The following AP3D1 variants were observed in gnomAD, a reference collection of about 807,000 sequenced individuals.
AP3D1 encodes the protein AP-3 complex subunit delta-1.
In AP3D1, 51 loss-of-function variants were observed where a neutral mutation model predicts 147.6. The observed-to-expected ratio is 0.35, with a 90% confidence interval of 0.28 to 0.44. The LOEUF is 0.44. Ranked by LOEUF, AP3D1 falls within the 20% of genes least tolerant of loss-of-function variation. The probability of loss-of-function intolerance (pLI) is 1.00; values close to 1 mark genes in which losing one functional copy is unlikely to be tolerated. For missense variants in AP3D1, 1,421 were observed against 1,624.2 expected, an observed-to-expected ratio of 0.87 and a Z score of 2.15; for synonymous variants, 760 against 663.0, an observed-to-expected ratio of 1.15 and a Z score of -2.25.
At chr19:2,156,116 A>G (rs1015973708), upstream of AP3D1, among the ~76,000 whole-genome samples, 1 of 152,228 alleles carries the variant, frequency 6.6e-6, no homozygotes, top group African/African-American at 2.4e-5. Context: ...TGATTCTTCC[A>G]TCACTGGGAG....
chr19:2,144,991 T>G (rs2144550916), intron 1 of AP3D1, among the ~76,000 whole-genome samples: 1 of 151,870 alleles, frequency 6.6e-6, no homozygotes, highest in East Asian at 1.9e-4. Context: ...GGGCATAGGT[T>G]TCTCTGTTCT....
rs1229546374 is a variant in AP3D1, at chr19:2,124,220, T to C, written c.857-341A>G. Among the ~76,000 whole-genome samples the C allele has an allele frequency of 3.3e-5, 5 of 152,236 alleles. No homozygotes were observed. The South Asian group carries it at 8.3e-4, about 25-fold the overall frequency. On this transcript the variant is annotated intron_variant, in intron 9 of 31. Transcript: ENST00000643116. ...GCCCCGAGGCCACAGGACCAGACCC[T>C]GTAGGAACCCAGGCGCTGGGTCTCT...
At chr19:2,163,616 C>A (rs1173436622) in intron 1 of AP3D1, among the ~76,000 whole-genome samples, 1 of 152,016 alleles carries the variant, frequency 6.6e-6, no homozygotes, top group Non-Finnish European at 1.5e-5. Context: ...TTTACTAAGC[C>A]GTGTGTGGGG....
intron 31 of AP3D1, among the ~76,000 whole-genome samples, chr19:2,104,105 C>A (rs2018035770): frequency 6.6e-6 from 1 of 151,258 alleles, no homozygotes; most frequent in South Asian, 2.1e-4. Context: ...AACGCCGAGG[C>A]ACCAACTCCA....
At chr19:2,112,072 G>A (rs1369576103) in intron 24 of AP3D1, 8 of 578,800 alleles carry the variant, frequency 1.4e-5, no homozygotes, top group Non-Finnish European at 2.1e-5. Context: ...AGTCCCCACC[G>A]ACCAGGGAGC....
chr19:2,159,285 C>G (rs1429519829), intron 1 of AP3D1, among the ~76,000 whole-genome samples: 1 of 149,898 alleles, frequency 6.7e-6, no homozygotes, highest in East Asian at 2.0e-4. Context: ...ATGGCGCGAT[C>G]TCAGCTCACT....
At chr19:2,132,354 CCA>C in intron 5 of AP3D1, 115 bp downstream of exon 5, 1 of 860,306 alleles carries the variant, frequency 1.2e-6, no homozygotes, top group East Asian at 2.5e-5. Flanking sequence ...TTCAGGCAGG[CCA>C]CGCACCGGGG....
At chr19:2,156,955 T>C (rs72983502) in intron 1 of AP3D1, among the ~76,000 whole-genome samples, 22,752 of 115,096 alleles carry the variant, frequency 0.2, 2,281 homozygotes, top group South Asian at 0.3. Context: ...CATCCACGAA[T>C]CCATCCATTT....
intron 4 of AP3D1, among the ~76,000 whole-genome samples, chr19:2,134,607 A>ATT (rs1185927162): frequency 6.9e-6 from 1 of 144,468 alleles, no homozygotes; most frequent in Non-Finnish European, 1.5e-5. Flanking sequence ...AAAGAAAATA[A>ATT]TTTTTTTTTT....
At chr19:2,139,965 T>TG (rs899611079) in intron 1 of AP3D1, among the ~76,000 whole-genome samples, 21 of 141,476 alleles carry the variant, frequency 1.5e-4, no homozygotes, top group South Asian at 5.3e-4. Flanking sequence ...TGTGGGGGAG[T>TG]GGGGGGGTGG....
At chr19:2,131,167 C>A (rs1466924538) in intron 5 of AP3D1, among the ~76,000 whole-genome samples, 1 of 152,286 alleles carries the variant, frequency 6.6e-6, no homozygotes, top group African/African-American at 2.4e-5. Flanking sequence ...GTGCAGCCGG[C>A]TGGATTTGGC....
intron 1 of AP3D1, among the ~76,000 whole-genome samples, chr19:2,160,769 C>A (rs886223129): frequency 2.0e-5 from 3 of 152,104 alleles, no homozygotes; most frequent in African/African-American, 7.2e-5. Flanking sequence ...AGGATCTCTC[C>A]CCTGGAGAAC....
intron 26 of AP3D1, 161 bp downstream of exon 26, chr19:2,111,124 C>A: frequency 9.8e-7 from 1 of 1,020,250 alleles, no homozygotes. Flanking sequence ...TCCAACCTTA[C>A]CCCAAGCCAG....
Position 2,151,328 on chromosome 19 carries a change from G to C in AP3D1, c.7C>G (p.Leu3Val). 1 of 1,584,376 alleles carries C rather than the reference G, an allele frequency of 6.3e-7. No individual in the cohort carries two copies. The highest frequency in any genetic ancestry group is 8.6e-7 in the Non-Finnish European group (1 of 1,164,902). ...TCGATGCTGCCCTTCACCATCTTGA[G>C]GGCCATCGCGGCGGCCCACGGGCTT... MA[L>V]KMVKGSIDRM... The change falls in exon 1 of 32, where the codon CTC becomes GTC. Residue 3 changes from leucine to valine, a missense_variant. Physicochemically the swap from Leu to Val is conservative, Grantham distance 32. Around this residue, in one of 6 missense-constraint regions of AP3D1, gnomAD observed 292 missense variants for 412.0 expected, o/e 0.71. Coordinates refer to ENST00000643116, the MANE Select transcript of AP3D1 (RefSeq NM_001261826.3).
intron 1 of AP3D1, among the ~76,000 whole-genome samples, chr19:2,162,553 C>A (rs1014287784): frequency 2.0e-5 from 3 of 151,262 alleles, no homozygotes; most frequent in Admixed American, 1.3e-4. Flanking sequence ...CCCAGCTACT[C>A]GGGAGGCTGA....
At chr19:2,105,057 G>A (rs957641678) in intron 31 of AP3D1, among the ~76,000 whole-genome samples, 6 of 152,140 alleles carry the variant, frequency 3.9e-5, no homozygotes, top group Non-Finnish European at 8.8e-5. Context: ...ATACAAGAAG[G>A]GCCCAGTGGG....
chr19:2,112,132 G>A (rs978439587), intron 24 of AP3D1: 2 of 452,806 alleles, frequency 4.4e-6, no homozygotes, highest in Non-Finnish European at 4.1e-6. Flanking sequence ...GCAACCCCAC[G>A]CCCATGTGCA....
rs181909822 is a variant in AP3D1 at position 2,141,957 on chromosome 19, T to C, written c.97-3243A>G. ...ATATTTATATATATTTATTTTTGCA[T>C]ATATTTATGTATATACTTGTTTACA... On this transcript the variant is annotated intron_variant, in intron 1 of 31. Transcript: ENST00000643116. Among the ~76,000 whole-genome samples the C allele has an allele frequency of 1.5e-3, 219 of 149,758 alleles. 1 individual carries two copies. The highest frequency in any genetic ancestry group is 5.1e-3 in the African/African-American group (210 of 41,068).
At chr19:2,126,838 A>G (rs1266846623) in intron 9 of AP3D1, among the ~76,000 whole-genome samples, 10 of 152,090 alleles carry the variant, frequency 6.6e-5, no homozygotes, top group African/African-American at 2.4e-4. Flanking sequence ...GGAAGCAGGT[A>G]TGAGGAGGGG....
Sources: allele counts gnomAD v4.1 joint callset (sites outside exome capture counted in the v4.1 genomes callset), GRCh38; gene constraint gnomAD v4.1.1; regional missense constraint gnomAD v4.1.1; transcripts MANE v1.5; gene names NCBI Gene and HGNC (gene_info 2026-07-23, HGNC 2026-07-21).